Variants in WDR25 observed in about 807,000 individuals in gnomAD.
WDR25 encodes the protein WD repeat-containing protein 25.
Under a neutral mutation model 47.7 loss-of-function variants are expected in WDR25, and 35 were observed. The observed-to-expected ratio is 0.73, with a 90% CI of 0.56 to 0.97. WDR25 has a LOEUF of 0.97. Ranked by LOEUF, WDR25 falls within the 50% of genes least tolerant of loss-of-function variation. The pLI is 0.00. For synonymous variants in WDR25, 248 were observed against 278.9 expected, an observed-to-expected ratio of 0.89 and a Z score of 1.10; for missense variants, 634 against 704.7, an observed-to-expected ratio of 0.90 and a Z score of 1.14.
At chr14:100,494,396 C>G (rs1025567677) in intron 4 of WDR25, among the ~76,000 whole-genome samples, 3 of 152,320 alleles carry the variant, frequency 2.0e-5, no homozygotes, top group African/African-American at 4.8e-5. Context: ...AATTTGCAGC[C>G]TGATAATTCC....
intron 4 of WDR25, among the ~76,000 whole-genome samples, chr14:100,501,917 G>A (rs1900937208): frequency 6.6e-6 from 1 of 152,192 alleles, no homozygotes; most frequent in Non-Finnish European, 1.5e-5. Flanking sequence ...GGAGGATGGT[G>A]CAGTCTGCCT....
At chr14:100,514,628 T>G (rs1901432330) in intron 4 of WDR25, among the ~76,000 whole-genome samples, 1 of 152,178 alleles carries the variant, frequency 6.6e-6, no homozygotes, top group Non-Finnish European at 1.5e-5. Context: ...AGTATTCAGA[T>G]TTTCAGTTTC....
At chr14:100,423,953 G>A (rs1898098077) in intron 2 of WDR25, among the ~76,000 whole-genome samples, 1 of 152,222 alleles carries the variant, frequency 6.6e-6, no homozygotes, top group Non-Finnish European at 1.5e-5. Context: ...TGGGGCACGG[G>A]CCACTCCAGG....
At chr14:100,493,391 C>T (rs568000362) in intron 4 of WDR25, among the ~76,000 whole-genome samples, 5 of 152,250 alleles carry the variant, frequency 3.3e-5, no homozygotes, top group Admixed American at 3.3e-4. Context: ...TGGCTTCTTT[C>T]GCTTAACATA....
chr14:100,471,140 T>A (rs1899818080), intron 3 of WDR25, among the ~76,000 whole-genome samples: 1 of 152,162 alleles, frequency 6.6e-6, no homozygotes. Flanking sequence ...ACAGGGTCTC[T>A]GCTGCTGAGG....
At chr14:100,482,865 TGG>T (rs1321468838) in intron 3 of WDR25, among the ~76,000 whole-genome samples, 1 of 152,132 alleles carries the variant, frequency 6.6e-6, no homozygotes, top group Non-Finnish European at 1.5e-5. Context: ...CTCAGTCCCA[TGG>T]GGGAGTTTCT....
At chr14:100,384,602 T>C (rs113152637) in intron 2 of WDR25, among the ~76,000 whole-genome samples, 17 of 151,914 alleles carry the variant, frequency 1.1e-4, no homozygotes, top group African/African-American at 3.9e-4. Context: ...GGGAAGGCAG[T>C]GTGTGGGTGT....
rs915384450 is a variant in WDR25 at position 100,424,331 on chromosome 14, T to A, written c.822+42585T>A. 2.6e-5 allele frequency among the ~76,000 whole-genome samples: 4 copies of A among 152,224 alleles called. No individual in the cohort carries two copies. The highest frequency in any genetic ancestry group is 6.5e-5 in the Admixed American group (1 of 15,290). On this transcript the variant is annotated intron_variant, in intron 2 of 6. Transcript: ENST00000402312. This position sits in a 1 kb window ranked among gnomAD's most constrained non-coding sequence, Gnocchi z 4.2. ...ATTAGCCTCTGTTTCCATGACAGAC[T>A]GTTCACAGCCTCACAGTTTGCATCC...
intron 2 of WDR25, among the ~76,000 whole-genome samples, chr14:100,447,144 C>T (rs1898862680): frequency 6.6e-6 from 1 of 152,210 alleles, no homozygotes; most frequent in African/African-American, 2.4e-5. Context: ...GTTAGGGAAC[C>T]TTGCATATTC....
At chr14:100,402,493 G>C (rs934548638) in intron 2 of WDR25, among the ~76,000 whole-genome samples, 1 of 152,200 alleles carries the variant, frequency 6.6e-6, no homozygotes, top group Non-Finnish European at 1.5e-5. Flanking sequence ...GTGGGACATG[G>C]GGGTGGACAG....
At chr14:100,401,365 G>A (rs530104730) in intron 2 of WDR25, among the ~76,000 whole-genome samples, 1 of 152,250 alleles carries the variant, frequency 6.6e-6, no homozygotes, top group African/African-American at 2.4e-5. Flanking sequence ...GGTTGATTCG[G>A]GCATCTCAGA....
intron 2 of WDR25, among the ~76,000 whole-genome samples, chr14:100,443,601 C>T (rs1421519340): frequency 2.0e-5 from 3 of 152,208 alleles, no homozygotes; most frequent in South Asian, 2.1e-4. Context: ...TCCTCTCTCT[C>T]CTTTTCCCCA....
intron 4 of WDR25, among the ~76,000 whole-genome samples, chr14:100,518,626 C>T (rs938145147): frequency 6.6e-6 from 1 of 152,250 alleles, no homozygotes; most frequent in South Asian, 2.1e-4. Context: ...TGCGGTGGCT[C>T]ACACCTGTAA....
chr14:100,452,343 A>G (rs541966447), intron 2 of WDR25, among the ~76,000 whole-genome samples: 1 of 152,374 alleles, frequency 6.6e-6, no homozygotes, highest in African/African-American at 2.4e-5. Flanking sequence ...CCTTACCCCC[A>G]TGGAACTTAC....
At chr14:100,416,841 C>A (rs981727961) in intron 2 of WDR25, among the ~76,000 whole-genome samples, 4 of 152,192 alleles carry the variant, frequency 2.6e-5, no homozygotes, top group African/African-American at 7.2e-5. Context: ...CTGTAGCAGG[C>A]ACTTGGGGCT....
intron 2 of WDR25, among the ~76,000 whole-genome samples, chr14:100,445,624 G>T (rs574152857): frequency 5.9e-5 from 9 of 152,268 alleles, no homozygotes; most frequent in Admixed American, 1.3e-4. Flanking sequence ...TGTTGCCAGG[G>T]CTGAGACGGG....
chr14:100,420,460 G>A (rs1266505748), intron 2 of WDR25, among the ~76,000 whole-genome samples: 2 of 152,138 alleles, frequency 1.3e-5, no homozygotes, highest in Non-Finnish European at 2.9e-5. Context: ...CCCTGTTGCT[G>A]AACATTGAGC....
At chr14:100,471,376 A>G (rs1372629054) in intron 3 of WDR25, among the ~76,000 whole-genome samples, 1 of 152,092 alleles carries the variant, frequency 6.6e-6, no homozygotes, top group Non-Finnish European at 1.5e-5. Context: ...GCCTCCACCT[A>G]TGTCTCCCCC....
chr14:100,507,832 T>C (rs2140358311), intron 4 of WDR25, among the ~76,000 whole-genome samples: 1 of 152,276 alleles, frequency 6.6e-6, no homozygotes, highest in African/African-American at 2.4e-5. Flanking sequence ...GCATAGTCTT[T>C]AGGGTTTTCT....
Sources: gnomAD v4.1 joint callset for allele counts (sites outside exome capture counted in the v4.1 genomes callset) on GRCh38, gnomAD v4.1.1 for gene constraint, Gnocchi (gnomAD v3.1) non-coding constraint, MANE v1.5 for transcripts, NCBI Gene and HGNC (gene_info 2026-07-23, HGNC 2026-07-21) for gene names.